The following TOGARAM1 variants were observed in gnomAD, a reference collection of about 807,000 sequenced individuals.
TOGARAM1 encodes the protein TOG array regulator of axonemal microtubules 1.
In TOGARAM1, 100 loss-of-function variants were observed where a neutral mutation model predicts 166.6. The observed-to-expected ratio is 0.60, with a 90% CI of 0.51 to 0.71. The LOEUF is 0.71. Ranked by LOEUF, TOGARAM1 falls within the 30% of genes least tolerant of loss-of-function variation. The pLI is 0.00. For missense variants in TOGARAM1, 2,029 were observed against 2,102.7 expected (o/e 0.96, Z 0.69); for synonymous variants, 758 against 763.8 (o/e 0.99, Z 0.13).
chr14:45,060,869 A>C (rs981032734), intron 16 of TOGARAM1, among the ~76,000 whole-genome samples: 6 of 152,182 alleles, frequency 3.9e-5, no homozygotes, highest in African/African-American at 1.4e-4. Flanking sequence ...GATAACTTTG[A>C]TCATTAGCTT....
chr14:45,025,613 G>C (rs919984220), intron 7 of TOGARAM1, 170 bp from the exon 8 acceptor site: 4 of 496,698 alleles, frequency 8.1e-6, no homozygotes, highest in East Asian at 3.4e-5. Context: ...GTCCATTCTA[G>C]TATTGCAGTT....
At position 45,028,305 on chromosome 14, in the gene TOGARAM1, G is replaced by A; in HGVS notation, c.3634G>A (p.Gly1212Arg). 6.3e-7 allele frequency: 1 copy of A among 1,584,762 alleles called. No homozygotes were observed. The highest frequency in any genetic ancestry group is 8.5e-7 in the Non-Finnish European group (1 of 1,172,824). Residue 1212 changes from glycine (G) to arginine (R), a missense_variant, in exon 10 of 20, where the codon GGA (glycine) becomes AGA (arginine). Gly to Arg is a moderately radical substitution (Grantham distance 125). Coordinates refer to ENST00000361462, the MANE Select transcript of TOGARAM1 (RefSeq NM_001308120.2). ...KNSWERMRHT[G>R]TEKMASESET... ...TTCCTGGGAACGAATGAGACATACA[G>A]GAACTGAGAAAATGGCATCTGAAAG...
chr14:44,962,432 C>T lies in TOGARAM1; in HGVS notation c.11C>T (p.Ala4Val), dbSNP rs1377126237. MAA[A>V]PSALLLLPPF... is the part of the protein sequence containing the mutation. ...ACCTGACAACCCTGCATGGCGGCTG[C>T]CCCCTCCGCGCTGCTTCTGCTGCCG... The change falls in exon 1 of 20, where the codon GCC becomes GTC. Residue 4 changes from alanine to valine, a missense_variant. Physicochemically the swap from Ala to Val is moderately conservative, Grantham distance 64. Coordinates refer to ENST00000361462, the MANE Select transcript of TOGARAM1 (RefSeq NM_001308120.2). 1.3e-6 allele frequency: 2 copies of T among 1,561,474 alleles called. No individual in the cohort carries two copies. Among genetic ancestry groups the T allele is most frequent in the Non-Finnish European group, 1.7e-6 (2 of 1,155,678 alleles).
At chr14:45,071,369 A>C (rs1041679212) in intron 18 of TOGARAM1, among the ~76,000 whole-genome samples, 2 of 150,040 alleles carry the variant, frequency 1.3e-5, no homozygotes, top group Admixed American at 6.7e-5. Context: ...TGCTTTAAGA[A>C]TATTACTCTG....
chr14:45,064,083 A>AC (rs561687777), intron 16 of TOGARAM1, among the ~76,000 whole-genome samples: 1 of 150,018 alleles, frequency 6.7e-6, no homozygotes, highest in Non-Finnish European at 1.5e-5. Flanking sequence ...ACTGACCCCC[A>AC]CCCCCCGCTC....
At chr14:45,015,307 A>AAAAT (rs34431693) in intron 7 of TOGARAM1, among the ~76,000 whole-genome samples, 11,599 of 146,704 alleles carry the variant, frequency 0.079, 526 homozygotes, top group South Asian at 0.1. Flanking sequence ...CCTATCTCAA[A>AAAAT]AAATAAATAA....
intron 16 of TOGARAM1, 23 bp from the exon 17 acceptor site, chr14:45,066,555 C>T (rs747375269): frequency 3.2e-6 from 5 of 1,553,466 alleles, no homozygotes; most frequent in East Asian, 4.5e-5. Context: ...AATGAAATTA[C>T]CTTCACCTTT....
intron 9 of TOGARAM1, among the ~76,000 whole-genome samples, chr14:45,027,705 C>G (rs964146254): frequency 2.6e-5 from 4 of 151,834 alleles, no homozygotes; most frequent in Non-Finnish European, 5.9e-5. Flanking sequence ...CCTATTTTCT[C>G]TAGGAAAAAT....
chr14:44,987,485 G>T (rs1886889776), intron 1 of TOGARAM1, among the ~76,000 whole-genome samples: 1 of 152,204 alleles, frequency 6.6e-6, no homozygotes, highest in African/African-American at 2.4e-5. Context: ...CATTTGTGCA[G>T]CCCACAGACA....
At chr14:45,059,524 C>T (rs1882800401) in intron 16 of TOGARAM1, among the ~76,000 whole-genome samples, 1 of 152,104 alleles carries the variant, frequency 6.6e-6, no homozygotes, top group Admixed American at 6.5e-5. Flanking sequence ...TGGCGCACGC[C>T]TGTAATCCCA....
At chr14:45,061,246 G>A (rs1882889110) in intron 16 of TOGARAM1, among the ~76,000 whole-genome samples, 1 of 152,142 alleles carries the variant, frequency 6.6e-6, no homozygotes, top group Non-Finnish European at 1.5e-5. Context: ...AATGGTTCTA[G>A]CTTTAGGAGC....
chr14:45,049,436 T>G (rs1882249120), intron 14 of TOGARAM1, among the ~76,000 whole-genome samples: 1 of 152,100 alleles, frequency 6.6e-6, no homozygotes, highest in East Asian at 1.9e-4. Context: ...ATTTTTTGTA[T>G]TTTTGGTAGA....
intron 1 of TOGARAM1, among the ~76,000 whole-genome samples, chr14:44,976,372 C>T (rs1886192750): frequency 1.3e-5 from 2 of 152,156 alleles, no homozygotes; most frequent in African/African-American, 2.4e-5. Flanking sequence ...GTTGCCTTAT[C>T]TGAAGTCTTC....
intron 7 of TOGARAM1, among the ~76,000 whole-genome samples, chr14:45,018,537 C>A (rs1004745279): frequency 6.6e-6 from 1 of 152,202 alleles, no homozygotes; most frequent in Non-Finnish European, 1.5e-5. Flanking sequence ...AGCCACCACA[C>A]CTAGCCTGCC....
intron 18 of TOGARAM1, among the ~76,000 whole-genome samples, chr14:45,071,285 GTT>G (rs10711034): frequency 0.094 from 13,059 of 138,272 alleles, 835 homozygotes; most frequent in African/African-American, 0.19. Flanking sequence ...GATTCAGGCA[GTT>G]TTTTTTTTTT....
At position 45,044,652 on chromosome 14, in the gene TOGARAM1, T is replaced by C; in HGVS notation, c.3936T>C (p.Ser1312=). 1 of 1,597,622 alleles carries C rather than the reference T, an allele frequency of 6.3e-7. No individual in the cohort carries two copies. Among genetic ancestry groups the C allele is most frequent in the African/African-American group, 1.3e-5 (1 of 74,266 alleles). Residue 1312 remains serine, a synonymous_variant, in exon 13 of 20, where the codon TCT becomes TCC. Coordinates refer to ENST00000361462, the MANE Select transcript of TOGARAM1 (RefSeq NM_001308120.2). ...TTTTTTAGGTGAAAAATTTACGTTC[T>C]GGAGTTTCTCGTGCTGCTGTGGTCT... is the stretch of plus-strand genomic sequence containing the variant. The part of the protein sequence containing the change: ...AVVQEVKNLR[S]GVSRAAVVCL...
chr14:44,999,805 G>A (rs572834458), intron 3 of TOGARAM1, among the ~76,000 whole-genome samples: 7 of 152,154 alleles, frequency 4.6e-5, no homozygotes, highest in Non-Finnish European at 8.8e-5. Context: ...GATATACAAT[G>A]TGTAATGATC....
intron 13 of TOGARAM1, 85 bp downstream of exon 13, chr14:45,044,955 T>G (rs1881915665): frequency 5.3e-6 from 5 of 943,916 alleles, no homozygotes; most frequent in Non-Finnish European, 7.8e-6. Flanking sequence ...CAAGCAAATC[T>G]TAGTAGTATA....
In TOGARAM1 at chr14:44,964,046, G is replaced by T. The variant is rs891023406; in HGVS notation, c.1625G>T (p.Gly542Val). The T allele has an allele frequency of 2.5e-6, 4 of 1,614,114 alleles. No individual in the cohort carries two copies. Among genetic ancestry groups the T allele is most frequent in the Non-Finnish European group, 3.4e-6 (4 of 1,179,984 alleles). Residue 542 changes from glycine (G) to valine (V), a missense_variant, in exon 1 of 20, where the codon GGC (glycine) becomes GTC (valine). By Grantham distance (109) the Gly-to-Val change is moderately radical. Coordinates refer to ENST00000361462, the MANE Select transcript of TOGARAM1 (RefSeq NM_001308120.2). Reference protein sequence around the residue: ...EAFAVLASSMGSGKTSILFKA... With the variant: ...EAFAVLASSMVSGKTSILFKA... Reference sequence around the variant, plus strand: ...TTTGCCGTATTGGCATCATCAATGGGCTCAGGTAAAACCAGCATCCTTTTT... The same window carrying T: ...TTTGCCGTATTGGCATCATCAATGGTCTCAGGTAAAACCAGCATCCTTTTT...
Sources: allele counts gnomAD v4.1 joint callset (sites outside exome capture counted in the v4.1 genomes callset), GRCh38; gene constraint gnomAD v4.1.1; transcripts MANE v1.5; gene names NCBI Gene and HGNC (gene_info 2026-07-23, HGNC 2026-07-21).